Variants in BAG6 observed in about 807,000 individuals in gnomAD.
BAG6 encodes the protein large proline-rich protein BAG6.
Under a neutral mutation model 121.0 loss-of-function variants are expected in BAG6, and 22 were observed. That is an observed-to-expected ratio of 0.18 (90% CI 0.13 to 0.26). BAG6 has a LOEUF of 0.26. BAG6 is among the 10% of genes least tolerant of loss of function. BAG6 has a pLI of 1.00. For missense variants in BAG6, 1,233 were observed against 1,537.7 expected (o/e 0.80, Z 3.31); for synonymous variants, 583 against 584.6 (o/e 1.00, Z 0.04).
chr6:31,640,665 T>C lies in BAG6; in HGVS notation c.2974A>G (p.Arg992Gly), dbSNP rs769162196. 9.3e-6 allele frequency: 15 copies of C among 1,612,904 alleles called. No homozygotes were observed. Among genetic ancestry groups the C allele is most frequent in the African/African-American group, 2.7e-5 (2 of 74,910 alleles). ...EEPMEVQGAE[R>G]ASPEPQRENA... ...AGTACCTGAGGCTCAGGGGAAGCTC[T>C]TTCTGCTCCCTGAACTTCCATTGGC... Residue 992 changes from arginine (R) to glycine (G), a missense_variant, in exon 22 of 26, where the codon AGA becomes GGA. Arg to Gly is a moderately radical substitution (Grantham distance 125). This residue lies in a region of BAG6 where 288 missense variants were observed against 483.1 expected (regional missense o/e 0.60). Transcript: ENST00000676615. The surrounding 1 kb of genome is among the most constrained non-coding windows in gnomAD (Gnocchi z 4.2).
In BAG6 at chr6:31,641,431, CAAG is replaced by C; in HGVS notation, c.2560-12_2560-10del. The C allele has an allele frequency of 6.2e-7, 1 of 1,614,144 alleles. No homozygotes were observed. Among genetic ancestry groups the C allele is most frequent in the Non-Finnish European group, 8.5e-7 (1 of 1,180,018 alleles). On this transcript the variant is annotated splice_polypyrimidine_tract_variant and intron_variant, in intron 18 of 25. Transcript: ENST00000676615. This position sits in a 1 kb window ranked among gnomAD's most constrained non-coding sequence, Gnocchi z 5.7. ...TGAACCTGCACCAAGGACTGAGAGA[CAAG>C]ATAACACAAAGATCCCAAAATCAAG...
At chr6:31,652,151 A>G (rs1248444670) in intron 1 of BAG6, 1 of 192,614 alleles carries the variant, frequency 5.2e-6, no homozygotes, top group South Asian at 1.1e-4. Flanking sequence ...GTCGCCCCAC[A>G]CTCTGCGGAG....
Position 31,648,954 on chromosome 6 carries a change from G to C in BAG6, c.434C>G (p.Ser145Cys). The change falls in exon 5 of 26, where the codon TCT (serine) becomes TGT (cysteine). Residue 145 changes from serine (S) to cysteine (C), a missense_variant. Physicochemically the swap from Ser to Cys is moderately radical, Grantham distance 112 (BLOSUM62 -1). This residue lies in a region of BAG6 where 777 missense variants were observed against 861.4 expected (regional missense o/e 0.90). Coordinates refer to ENST00000676615, the MANE Select transcript of BAG6 (RefSeq NM_001387994.1). ...VGTFNLPSDG[S>C]AVDVHINMEQ... ...CATGTTGATGTGAACATCCACAGCAGAGCCGTCACTCTGGGGAAAGGGTAA... is the reference window on the plus strand; with the variant it reads ...CATGTTGATGTGAACATCCACAGCACAGCCGTCACTCTGGGGAAAGGGTAA... 1 of 1,527,928 alleles carries C rather than the reference G, an allele frequency of 6.5e-7. No individual in the cohort carries two copies. The highest frequency in any genetic ancestry group is 8.8e-7 in the Non-Finnish European group (1 of 1,140,894). 94.6% of individuals were successfully genotyped at this position (1,527,928 alleles called of 1,614,324 possible).
Position 31,646,766 on chromosome 6 carries a change from G to GTTTTTTTTTTT in BAG6, c.789-254_789-244dup, listed in dbSNP as rs66820473. ...CTGCCACCACACCCGGCTAATTTTT[G>GTTTTTTTTTTT]TTTTTTTTTTTTTTTTTTTTTTTTT... On this transcript the variant is annotated intron_variant, in intron 7 of 25. Coordinates refer to ENST00000676615, the MANE Select transcript of BAG6 (RefSeq NM_001387994.1). 6.9e-4 allele frequency among the ~76,000 whole-genome samples: 42 copies of GTTTTTTTTTTT among 60,638 alleles called. 1 individual carries two copies. The highest frequency in any genetic ancestry group is 1.5e-3 in the East Asian group (3 of 1,950). The allele number at this position is 60,638 out of a possible 152,430, so 39.8% of individuals were successfully genotyped here.
intron 9 of BAG6, 28 bp downstream of exon 9, chr6:31,645,378 TC>T (rs1390675613): frequency 6.2e-7 from 1 of 1,612,814 alleles, no homozygotes; most frequent in Non-Finnish European, 8.5e-7. Context: ...CCCCTCACTC[TC>T]CCTCAGGCCA....
rs1458198276 is a variant in BAG6, at chr6:31,646,782, T to TG, written c.789-260_789-259insC. ...CTAATTTTTGTTTTTTTTTTTTTTT[T>TG]TTTTTTTTTGAGACAGAGTCTCGCT... is the stretch of plus-strand genomic sequence containing the variant. On this transcript the variant is annotated intron_variant, in intron 7 of 25. Transcript: ENST00000676615. Among the ~76,000 whole-genome samples the TG allele has an allele frequency of 9.5e-5, 13 of 136,778 alleles. 1 individual carries two copies. Among genetic ancestry groups the TG allele is most frequent in the Non-Finnish European group, 1.9e-4 (12 of 62,830 alleles). The allele number at this position is 136,778 out of a possible 152,430, so 89.7% of individuals were successfully genotyped here.
Position 31,644,100 on chromosome 6 carries a change from G to A in BAG6, c.1650C>T (p.Pro550=), listed in dbSNP as rs745643109. The A allele has an allele frequency of 1.7e-5, 27 of 1,613,844 alleles. No homozygotes were observed. The African/African-American group carries it at 2.8e-4, about 17-fold the overall frequency. Reference sequence around the variant, plus strand: ...TGCTCACCAGTGTCCCAGAGACTGGGGGCCCTCCAGGATGGGAAGGCCGAG... The same window carrying A: ...TGCTCACCAGTGTCCCAGAGACTGGAGGCCCTCCAGGATGGGAAGGCCGAG... ...PQARPSHPGG[P]PVSGTLQGAG... The change falls in exon 13 of 26, where the codon CCC becomes CCT. Residue 550 remains proline, a synonymous_variant. Coordinates refer to ENST00000676615, the MANE Select transcript of BAG6 (RefSeq NM_001387994.1). The surrounding 1 kb of genome is among the most constrained non-coding windows in gnomAD (Gnocchi z 4.9).
chr6:31,641,985 C>G lies in BAG6; in HGVS notation c.2336-40G>C, dbSNP rs143860865. ...CAGATGTTAGCAATGGCCTTTACCA[C>G]CTGGCCTGCCCACCCACAACCAGAT... is the stretch of plus-strand genomic sequence containing the variant. On this transcript the variant is annotated intron_variant, in intron 16 of 25. Coordinates refer to ENST00000676615, the MANE Select transcript of BAG6 (RefSeq NM_001387994.1). The surrounding 1 kb of genome is among the most constrained non-coding windows in gnomAD (Gnocchi z 5.7). The G allele has an allele frequency of 6.2e-7, 1 of 1,606,252 alleles. No homozygotes were observed. Among genetic ancestry groups the G allele is most frequent in the African/African-American group, 1.3e-5 (1 of 74,876 alleles).
Position 31,648,684 on chromosome 6 carries a change from C to T in BAG6, c.545G>A (p.Arg182Gln), listed in dbSNP as rs778984107. 13 of 1,613,740 alleles carry T rather than the reference C, an allele frequency of 8.1e-6. No individual in the cohort carries two copies. The highest frequency in any genetic ancestry group is 3.3e-5 in the Admixed American group (2 of 59,962). Residue 182 changes from arginine to glutamine, a missense_variant, in exon 6 of 26, where the codon CGG (arginine) becomes CAG (glutamine). Physicochemically the swap from Arg to Gln is conservative, Grantham distance 43. Coordinates refer to ENST00000676615, the MANE Select transcript of BAG6 (RefSeq NM_001387994.1). ...CCAGCCTTGCCCACTTACCTCCATCCGGGATAGTAAGGTCTGTATATCCCT... is the reference window on the plus strand; with the variant it reads ...CCAGCCTTGCCCACTTACCTCCATCTGGGATAGTAAGGTCTGTATATCCCT... The part of the protein sequence containing the change: ...MIRDIQTLLS[R>Q]MECRGGPQPQ...
At chr6:31,646,364 G>C in intron 8 of BAG6, 30 bp downstream of exon 8, 1 of 1,607,030 alleles carries the variant, frequency 6.2e-7, no homozygotes, top group Middle Eastern at 1.7e-4. Flanking sequence ...TGGGGCTGAG[G>C]AGAAAGGGCA....
At position 31,640,943 on chromosome 6, in the gene BAG6, G is replaced by A; in HGVS notation, c.2788-5C>T. On this transcript the variant is annotated splice_region_variant and splice_polypyrimidine_tract_variant and intron_variant, in intron 20 of 25. Coordinates refer to ENST00000676615, the MANE Select transcript of BAG6 (RefSeq NM_001387994.1). The surrounding 1 kb of genome is among the most constrained non-coding windows in gnomAD (Gnocchi z 4.2). Reference sequence around the variant, plus strand: ...CACCCCACGAGACATACGACGCTGAGGGACAGAAAGCAGATTTAGAACACA... The same window carrying A: ...CACCCCACGAGACATACGACGCTGAAGGACAGAAAGCAGATTTAGAACACA... The A allele has an allele frequency of 6.2e-7, 1 of 1,611,672 alleles. No individual in the cohort carries two copies. Among genetic ancestry groups the A allele is most frequent in the South Asian group, 1.1e-5 (1 of 90,948 alleles).
chr6:31,642,856 A>G lies in BAG6; in HGVS notation c.2016T>C (p.Phe672=). 1 of 1,612,726 alleles carries G rather than the reference A, an allele frequency of 6.2e-7. No homozygotes were observed. Among genetic ancestry groups the G allele is most frequent in the Non-Finnish European group, 8.5e-7 (1 of 1,179,540 alleles). Residue 672 remains phenylalanine (F), a synonymous_variant, in exon 15 of 26, where the codon TTT becomes TTC. Transcript: ENST00000676615. ...GCAAGAAGTCAGTCATGCCTTGGAG[A>G]AAGGCAGGGACACCAGGCATCGCCA... ...ITVAMPGVPA[F]LQGMTDFLQA...
chr6:31,641,313 C>T lies in BAG6; in HGVS notation c.2662+7G>A. On this transcript the variant is annotated splice_region_variant and intron_variant, in intron 19 of 25. Coordinates refer to ENST00000676615, the MANE Select transcript of BAG6 (RefSeq NM_001387994.1). This position sits in a 1 kb window ranked among gnomAD's most constrained non-coding sequence, Gnocchi z 5.7. ...CCCCACTTGCCCCCGCCTGGCCAGC[C>T]CCTGACCTGTGCAATGCAGCACATG... 5.0e-6 allele frequency: 8 copies of T among 1,614,170 alleles called. No individual in the cohort carries two copies. Among genetic ancestry groups the T allele is most frequent in the Non-Finnish European group, 6.8e-6 (8 of 1,179,990 alleles).
In BAG6 at chr6:31,641,255, G is replaced by A. The variant is rs980215599; in HGVS notation, c.2663-27C>T. The A allele has an allele frequency of 1.5e-5, 25 of 1,613,970 alleles. No individual in the cohort carries two copies. Among genetic ancestry groups the A allele is most frequent in the Non-Finnish European group, 1.9e-5 (22 of 1,179,942 alleles). On this transcript the variant is annotated intron_variant, in intron 19 of 25. Coordinates refer to ENST00000676615, the MANE Select transcript of BAG6 (RefSeq NM_001387994.1). This position sits in a 1 kb window ranked among gnomAD's most constrained non-coding sequence, Gnocchi z 5.7. ...TGTGGGCAAAATACAAGGAGGGAAT[G>A]CTGGCACGTGGCAGCCCTGCACATG... is the stretch of plus-strand genomic sequence containing the variant.
At chr6:31,642,761 A>G in intron 15 of BAG6, 68 bp downstream of exon 15, 2 of 1,562,936 alleles carry the variant, frequency 1.3e-6, no homozygotes, top group Non-Finnish European at 1.7e-6. Context: ...TATAATGGCA[A>G]GAAGGTACCA....
rs1380666351 is a variant in BAG6 at position 31,644,469 on chromosome 6, C to T, written c.1448-55G>A. ...CCTGGACCCCTTCAACCCACCCACT[C>T]AGCCCTTCCCTTTCTCTACCCAGAG... On this transcript the variant is annotated intron_variant, in intron 11 of 25. Coordinates refer to ENST00000676615, the MANE Select transcript of BAG6 (RefSeq NM_001387994.1). This position sits in a 1 kb window ranked among gnomAD's most constrained non-coding sequence, Gnocchi z 4.9. 1 of 1,573,732 alleles carries T rather than the reference C, an allele frequency of 6.4e-7. No homozygotes were observed. Among genetic ancestry groups the T allele is most frequent in the African/African-American group, 1.3e-5 (1 of 74,400 alleles).
chr6:31,646,922 C>T (rs751994176), intron 7 of BAG6, among the ~76,000 whole-genome samples: 2 of 151,814 alleles, frequency 1.3e-5, no homozygotes, highest in Admixed American at 6.6e-5. Flanking sequence ...TACAGGTGCC[C>T]GCCACCATGC....
chr6:31,640,477 G>A lies in BAG6; in HGVS notation c.3046C>T (p.Arg1016Ter). ...CCCTCAGGAGCAGGAGGTGGACCTC[G>A]GGACATGGCCTCTTCTGCTGTTGTT... ...PGTTAEEAMS[R>*]GPPPAPEGGS... Residue 1016 changes from arginine (R) to a stop codon, truncating the protein, a stop_gained, in exon 23 of 26, where the codon CGA (arginine) becomes TGA (stop). Coordinates refer to ENST00000676615, the MANE Select transcript of BAG6 (RefSeq NM_001387994.1). LOFTEE classifies it high-confidence loss of function. This position sits in a 1 kb window ranked among gnomAD's most constrained non-coding sequence, Gnocchi z 4.2. 1 of 1,613,202 alleles carries A rather than the reference G, an allele frequency of 6.2e-7. No homozygotes were observed. The highest frequency in any genetic ancestry group is 8.5e-7 in the Non-Finnish European group (1 of 1,180,034).
rs2150789314 is a variant in BAG6, at chr6:31,643,769, C to CACT, written c.1756+118_1756+120dup. ...AAAGCTGAAACCTGAAGACACAAGA[C>CACT]ACTACAGCAGCCCCATTCCAGGAAA... On this transcript the variant is annotated intron_variant, in intron 14 of 25. Transcript: ENST00000676615. 5.5e-6 allele frequency: 3 copies of CACT among 545,568 alleles called. No homozygotes were observed. The South Asian group carries it at 6.7e-5, about 12-fold the overall frequency. 33.8% of individuals were successfully genotyped at this position (545,568 alleles called of 1,614,324 possible). A position where few individuals can be genotyped will look rare whatever the true frequency, so the allele number is the denominator to read the frequency against.
Sources: gnomAD v4.1 joint callset for allele counts (sites outside exome capture counted in the v4.1 genomes callset) on GRCh38, gnomAD v4.1.1 for gene constraint, gnomAD v4.1.1 regional missense constraint, Gnocchi (gnomAD v3.1) non-coding constraint, MANE v1.5 for transcripts, NCBI Gene and HGNC (gene_info 2026-07-23, HGNC 2026-07-21) for gene names.